TPST1: variants seen among roughly 807,000 people sequenced by gnomAD.
TPST1 encodes the protein protein-tyrosine sulfotransferase 1.
In TPST1, 20 loss-of-function variants were observed where a neutral mutation model predicts 34.8. The observed-to-expected ratio is 0.57, with a 90% CI of 0.40 to 0.84. TPST1 has a LOEUF of 0.84. Among genes scored for constraint, TPST1 ranks in the 40% least tolerant of loss-of-function variants. TPST1 has a pLI of 0.00. For synonymous variants in TPST1, 152 were observed against 159.4 expected (o/e 0.95, Z 0.35); for missense variants, 353 against 455.5 (o/e 0.78, Z 2.05).
At chr7:66,305,631 G>A (rs1160792310) in intron 3 of TPST1, among the ~76,000 whole-genome samples, 2 of 152,192 alleles carry the variant, frequency 1.3e-5, no homozygotes, top group African/African-American at 2.4e-5. Flanking sequence ...GGAGCAAGAA[G>A]TGCTGAGTTA....
intron 2 of TPST1, among the ~76,000 whole-genome samples, chr7:66,251,508 C>T (rs764301875): frequency 1.4e-4 from 21 of 152,196 alleles, no homozygotes; most frequent in Admixed American, 2.6e-4. Flanking sequence ...TGTTCTTACA[C>T]ATGCTCCTGT....
At chr7:66,219,672 A>G (rs1376708757) in intron 1 of TPST1, among the ~76,000 whole-genome samples, 1 of 152,242 alleles carries the variant, frequency 6.6e-6, no homozygotes, top group Non-Finnish European at 1.5e-5. Flanking sequence ...TGAAAGCCTT[A>G]TAAATAATAG....
intron 5 of TPST1, among the ~76,000 whole-genome samples, chr7:66,357,278 G>A (rs530248452): frequency 1.6e-4 from 24 of 152,264 alleles, no homozygotes; most frequent in Non-Finnish European, 2.6e-4. Context: ...TAGTCCATAG[G>A]CAAGGAAACC....
At chr7:66,318,937 C>T (rs1458034693) in intron 3 of TPST1, among the ~76,000 whole-genome samples, 3 of 152,192 alleles carry the variant, frequency 2.0e-5, no homozygotes, top group East Asian at 1.9e-4. Context: ...CCTAGTTTTG[C>T]AATTGAGAAG....
intron 2 of TPST1, among the ~76,000 whole-genome samples, chr7:66,246,994 C>CAG (rs1451811066): frequency 1.3e-5 from 2 of 152,150 alleles, no homozygotes; most frequent in Admixed American, 6.5e-5. Flanking sequence ...TACTATGTGC[C>CAG]AGACACTGTG....
chr7:66,346,077 A>G (rs1792346650), intron 3 of TPST1, among the ~76,000 whole-genome samples: 2 of 151,788 alleles, frequency 1.3e-5, no homozygotes, highest in South Asian at 2.1e-4. Flanking sequence ...GAGAACATGT[A>G]AAGTTTGTCT....
intron 3 of TPST1, among the ~76,000 whole-genome samples, chr7:66,340,076 C>A (rs534342022): frequency 6.6e-6 from 1 of 152,068 alleles, no homozygotes; most frequent in Admixed American, 6.6e-5. Context: ...TGGCTCATGC[C>A]TGTAATCCCA....
At chr7:66,308,815 T>C (rs1258658752) in intron 3 of TPST1, among the ~76,000 whole-genome samples, 1 of 152,200 alleles carries the variant, frequency 6.6e-6, no homozygotes, top group Non-Finnish European at 1.5e-5. Context: ...TCTCTAGACA[T>C]TCCTGGGATG....
chr7:66,218,622 G>A (rs549498941), intron 1 of TPST1, among the ~76,000 whole-genome samples: 2 of 152,260 alleles, frequency 1.3e-5, no homozygotes, highest in East Asian at 1.9e-4. Flanking sequence ...GAGGCGGGGA[G>A]ATCACAAGGT....
intron 3 of TPST1, among the ~76,000 whole-genome samples, chr7:66,297,978 A>G (rs1791236253): frequency 6.6e-6 from 1 of 152,086 alleles, no homozygotes; most frequent in South Asian, 2.1e-4. Flanking sequence ...AATGACATTT[A>G]CTTTTCTAGT....
At position 66,270,894 on chromosome 7, in the gene TPST1, A is replaced by G. The variant is rs1169407803; in HGVS notation, c.846-15617A>G. 3.9e-5 allele frequency among the ~76,000 whole-genome samples: 6 copies of G among 152,290 alleles called. No homozygotes were observed. In the South Asian group the frequency reaches 8.3e-4, roughly 21 times the overall value. ...GCCTAGATTCATCAATTTGTTGACT[A>G]TTGTAAAGTGCTGATATTCTAATTC... On this transcript the variant is annotated intron_variant, in intron 2 of 5. Coordinates refer to ENST00000304842, the MANE Select transcript of TPST1 (RefSeq NM_003596.4).
chr7:66,322,912 AT>A lies in TPST1; in HGVS notation c.1045-29585del, dbSNP rs565657645. Among the ~76,000 whole-genome samples the A allele has an allele frequency of 6.5e-3, 981 of 151,490 alleles. 14 individuals carry two copies. Among genetic ancestry groups the A allele is most frequent in the Middle Eastern group, 0.01 (3 of 294 alleles). ...TTTCCACAGCTCACCAACACTTGTT[AT>A]TTTTTTTATTTTTTTATTTTTTATT... On this transcript the variant is annotated intron_variant, in intron 3 of 5. Transcript: ENST00000304842.
At chr7:66,270,357 C>T (rs1355357158) in intron 2 of TPST1, among the ~76,000 whole-genome samples, 1 of 152,150 alleles carries the variant, frequency 6.6e-6, no homozygotes, top group Non-Finnish European at 1.5e-5. Context: ...AACTATTACC[C>T]ATGTTAAGAA....
chr7:66,234,853 T>C (rs563498565), intron 1 of TPST1, among the ~76,000 whole-genome samples: 1 of 152,122 alleles, frequency 6.6e-6, no homozygotes, highest in East Asian at 1.9e-4. Context: ...ATTTTTTGTA[T>C]TTTTAGTAGA....
chr7:66,216,840 G>A (rs1789422616), intron 1 of TPST1, among the ~76,000 whole-genome samples: 1 of 152,194 alleles, frequency 6.6e-6, no homozygotes, highest in Non-Finnish European at 1.5e-5. Flanking sequence ...TAATACAGGT[G>A]TTTACGCTAT....
intron 3 of TPST1, among the ~76,000 whole-genome samples, chr7:66,312,597 C>G (rs1791552032): frequency 6.6e-6 from 1 of 152,012 alleles, no homozygotes; most frequent in African/African-American, 2.4e-5. Context: ...TAAAAAATCC[C>G]TTTAAAATGA....
rs542014977 is a variant in TPST1, at chr7:66,264,249, C to T, written c.846-22262C>T. Among the ~76,000 whole-genome samples the T allele has an allele frequency of 4.6e-5, 7 of 152,276 alleles. No homozygotes were observed. The South Asian group carries it at 1.5e-3, about 32-fold the overall frequency. ...AATAACAATGGGGGCAAACAGTAGA[C>T]TAACTAAAGAGCCTAGGAGCAGAGA... is the stretch of plus-strand genomic sequence containing the variant. On this transcript the variant is annotated intron_variant, in intron 2 of 5. Coordinates refer to ENST00000304842, the MANE Select transcript of TPST1 (RefSeq NM_003596.4).
At chr7:66,274,316 G>A (rs528347262) in intron 2 of TPST1, among the ~76,000 whole-genome samples, 1 of 151,352 alleles carries the variant, frequency 6.6e-6, no homozygotes, top group South Asian at 2.1e-4. Context: ...AGTGAGCGTT[G>A]AGATCGCGTC....
intron 3 of TPST1, among the ~76,000 whole-genome samples, chr7:66,340,213 CAAAAA>C (rs1562852078): frequency 6.8e-6 from 1 of 147,858 alleles, no homozygotes; most frequent in Non-Finnish European, 1.5e-5. Context: ...GACTTTATCT[CAAAAA>C]AGAAAAAAAA....
Sources: gnomAD v4.1 joint callset for allele counts (sites outside exome capture counted in the v4.1 genomes callset) on GRCh38, gnomAD v4.1.1 for gene constraint, MANE v1.5 for transcripts, NCBI Gene and HGNC (gene_info 2026-07-23, HGNC 2026-07-21) for gene names.